The following MTHFD1L variants were observed in gnomAD, a reference collection of about 807,000 sequenced individuals.
The protein encoded by MTHFD1L is methylenetetrahydrofolate dehydrogenase (NADP+ dependent) 1 like.
Under a neutral mutation model 119.5 loss-of-function variants are expected in MTHFD1L, and 81 were observed. The observed-to-expected ratio is 0.68, with a 90% CI of 0.57 to 0.82. The LOEUF is 0.82. Ranked by LOEUF, MTHFD1L falls within the 40% of genes least tolerant of loss-of-function variation. The pLI is 0.00. For synonymous variants in MTHFD1L, 430 were observed against 475.2 expected (o/e 0.90, Z 1.24); for missense variants, 1,125 against 1,253.4 (o/e 0.90, Z 1.55).
intron 8 of MTHFD1L, among the ~76,000 whole-genome samples, chr6:150,914,045 C>T (rs1412401853): frequency 6.6e-6 from 1 of 151,864 alleles, no homozygotes; most frequent in African/African-American, 2.4e-5. Context: ...CAGAAGAGTC[C>T]CTTGAACCCA....
intron 11 of MTHFD1L, among the ~76,000 whole-genome samples, chr6:150,930,533 T>G (rs1324070901): frequency 6.6e-6 from 1 of 152,014 alleles, no homozygotes; most frequent in African/African-American, 2.4e-5. Context: ...AGGAGATAAC[T>G]AGGTCTCTCA....
chr6:150,929,864 C>CTTTT (rs58153937), intron 11 of MTHFD1L, among the ~76,000 whole-genome samples: 35,710 of 151,692 alleles, frequency 0.24, 4,644 homozygotes, highest in African/African-American at 0.34. Context: ...TGGCCTGTCT[C>CTTTT]TTTTTTAACT....
intron 5 of MTHFD1L, among the ~76,000 whole-genome samples, chr6:150,883,811 G>T (rs528059805): frequency 6.6e-6 from 1 of 152,140 alleles, no homozygotes; most frequent in Admixed American, 6.5e-5. Context: ...GAAGTGTTTT[G>T]TACTGTGGCC....
intron 26 of MTHFD1L, among the ~76,000 whole-genome samples, chr6:151,066,946 G>A (rs1453278219): frequency 6.6e-6 from 1 of 151,266 alleles, no homozygotes; most frequent in African/African-American, 2.4e-5. Context: ...AAAGCAGTTT[G>A]TAGGTCTCTG....
chr6:151,090,240 G>A (rs187387087), intron 26 of MTHFD1L, among the ~76,000 whole-genome samples: 2 of 152,264 alleles, frequency 1.3e-5, no homozygotes, highest in Admixed American at 6.5e-5. Flanking sequence ...GGGTTAAACC[G>A]GCTTTTCCCT....
At chr6:150,983,973 C>T (rs1386979009) in intron 20 of MTHFD1L, among the ~76,000 whole-genome samples, 3 of 152,010 alleles carry the variant, frequency 2.0e-5, no homozygotes, top group African/African-American at 7.3e-5. Flanking sequence ...GGTCTCACTA[C>T]GTTGCCCAGG....
At chr6:151,018,200 G>T (rs968720656) in intron 24 of MTHFD1L, among the ~76,000 whole-genome samples, 13 of 152,128 alleles carry the variant, frequency 8.5e-5, no homozygotes, top group Admixed American at 2.0e-4. Flanking sequence ...TGCTTCTCCT[G>T]TTCCTTCATC....
chr6:151,060,797 T>G (rs1215525395), intron 26 of MTHFD1L, among the ~76,000 whole-genome samples: 1 of 152,128 alleles, frequency 6.6e-6, no homozygotes, highest in African/African-American at 2.4e-5. Flanking sequence ...GCGTCAAGCT[T>G]AGGAGTCAGG....
chr6:151,013,715 T>C, intron 21 of MTHFD1L, 64 bp from the exon 22 acceptor site: 1 of 1,404,928 alleles, frequency 7.1e-7, no homozygotes, highest in South Asian at 1.2e-5. Flanking sequence ...TTGTTCTTTC[T>C]TTCAGATCGG....
chr6:150,966,479 G>A (rs1031203574), intron 19 of MTHFD1L, among the ~76,000 whole-genome samples: 1 of 152,158 alleles, frequency 6.6e-6, no homozygotes, highest in Non-Finnish European at 1.5e-5. Context: ...TTCGACATGA[G>A]ATGTGGGTGG....
At chr6:150,968,183 A>C (rs1478295999) in intron 19 of MTHFD1L, among the ~76,000 whole-genome samples, 1 of 151,590 alleles carries the variant, frequency 6.6e-6, no homozygotes, top group Non-Finnish European at 1.5e-5. Context: ...GAATGCTGAG[A>C]GCTTCCTATT....
chr6:151,091,459 CA>C (rs1794443659), intron 26 of MTHFD1L, among the ~76,000 whole-genome samples: 1 of 152,148 alleles, frequency 6.6e-6, no homozygotes, highest in African/African-American at 2.4e-5. Flanking sequence ...CCCCAGCACA[CA>C]GGGGGCTTCT....
chr6:150,949,433 A>G (rs1451351276), intron 16 of MTHFD1L, among the ~76,000 whole-genome samples: 1 of 151,048 alleles, frequency 6.6e-6, no homozygotes, highest in Admixed American at 6.6e-5. Flanking sequence ...TCTTGTATCT[A>G]TATTAAGAAA....
In MTHFD1L at chr6:150,980,037, G is replaced by C. The variant is rs148442900; in HGVS notation, c.2125+7979G>C. ...GCAGCTCTAAGCTGTAATTCTCCCA[G>C]ACCTTGCCCTGTTTACATTATTTAA... On this transcript the variant is annotated intron_variant, in intron 20 of 27. Transcript: ENST00000367321. 7.9e-5 allele frequency among the ~76,000 whole-genome samples: 12 copies of C among 151,492 alleles called. No individual in the cohort carries two copies. In the East Asian group the frequency reaches 2.1e-3, roughly 27 times the overall value.
chr6:150,888,811 C>A lies in MTHFD1L; in HGVS notation c.780+830C>A, dbSNP rs563054032. Among the ~76,000 whole-genome samples the A allele has an allele frequency of 5.3e-5, 8 of 152,260 alleles. No individual in the cohort carries two copies. In the East Asian group the frequency reaches 1.5e-3, roughly 29 times the overall value. ...ATGGTAGACAAACAGACGATCGGAA[C>A]AGAAGAAAGTGGAAATTTATGCATA... On this transcript the variant is annotated intron_variant, in intron 7 of 27. Transcript: ENST00000367321.
intron 26 of MTHFD1L, among the ~76,000 whole-genome samples, chr6:151,059,494 A>G (rs1189662849): frequency 1.3e-5 from 2 of 152,182 alleles, no homozygotes; most frequent in Non-Finnish European, 2.9e-5. Flanking sequence ...TTGTTTTTAT[A>G]AAATCAGAAT....
chr6:150,916,080 TTAAA>T lies in MTHFD1L; in HGVS notation c.893-2493_893-2490del, dbSNP rs1018585309. Among the ~76,000 whole-genome samples the T allele has an allele frequency of 9.3e-4, 141 of 152,244 alleles. 1 individual carries two copies. The highest frequency in any genetic ancestry group is 3.3e-3 in the African/African-American group (138 of 41,546). On this transcript the variant is annotated intron_variant, in intron 8 of 27. Coordinates refer to ENST00000367321, the MANE Select transcript of MTHFD1L (RefSeq NM_015440.5). ...CATAAAGCTGAAGTGTTGCTAATCT[TTAAA>T]TAACACCCAAGGGATATGATTATAT...
intron 25 of MTHFD1L, 84 bp downstream of exon 25, chr6:151,034,684 T>C (rs1785879117): frequency 1.2e-6 from 1 of 839,800 alleles, no homozygotes; most frequent in African/African-American, 1.7e-5. Context: ...TTTGTACATA[T>C]CGCACCAGCT....
At chr6:151,045,889 G>A (rs551966470) in intron 26 of MTHFD1L, among the ~76,000 whole-genome samples, 4 of 152,308 alleles carry the variant, frequency 2.6e-5, no homozygotes, top group Non-Finnish European at 5.9e-5. Flanking sequence ...AGCTACGTGT[G>A]TGTCTGTCCC....
Sources: gnomAD v4.1 joint callset for allele counts (sites outside exome capture counted in the v4.1 genomes callset) on GRCh38, gnomAD v4.1.1 for gene constraint, MANE v1.5 for transcripts, NCBI Gene and HGNC (gene_info 2026-07-23, HGNC 2026-07-21) for gene names.